Variants in STS observed in about 807,000 individuals in gnomAD.
The protein encoded by STS is steryl-sulfatase.
Under a neutral mutation model 26.8 loss-of-function variants are expected in STS, and 7 were observed. That is an observed-to-expected ratio of 0.26 (90% CI 0.15 to 0.49). The LOEUF (loss-of-function observed/expected upper bound fraction) is 0.49. STS is among the 20% of genes least tolerant of loss of function. STS has a pLI of 0.98. For missense variants in STS, 434 were observed against 465.6 expected, an observed-to-expected ratio of 0.93 and a Z score of 0.63; for synonymous variants, 199 against 189.4, an observed-to-expected ratio of 1.05 and a Z score of -0.42.
intron 8 of STS, among the ~76,000 whole-genome samples, chrX:7,306,667 A>G (rs1317083367): frequency 9.0e-6 from 1 of 111,648 alleles, no homozygotes; most frequent in Non-Finnish European, 1.9e-5. Flanking sequence ...TACTAATGGC[A>G]CAAGGGGAAA....
intron 9 of STS, among the ~76,000 whole-genome samples, chrX:7,330,891 T>C (rs750253879): frequency 7.5e-4 from 84 of 112,514 alleles, no homozygotes; most frequent in African/African-American, 2.7e-3. Flanking sequence ...CCCTTTAATT[T>C]ATTACAGATA....
At position 7,276,048 on chromosome X, in the gene STS, G is replaced by A. The variant is rs113416414; in HGVS notation, c.904G>A (p.Val302Ile). The A allele has an allele frequency of 3.9e-3, 4,733 of 1,203,991 alleles. 104 individuals are homozygous for A. The African/African-American group carries it at 0.068, about 17-fold the overall frequency. Residue 302 changes from valine (V) to isoleucine (I), a missense_variant, in exon 7 of 11, where the codon GTC becomes ATC. Transcript: ENST00000674429. ...KDFAGKSQHG[V>I]YGDAVEEMDW... The stretch of plus-strand genomic sequence containing the variant: ...CTTTGCTGGCAAAAGTCAACACGGA[G>A]TCTACGGGGATGCTGTTGAGGAAAT...
chrX:7,305,911 T>A (rs1408230170), intron 8 of STS, among the ~76,000 whole-genome samples: 1 of 112,078 alleles, frequency 8.9e-6, no homozygotes, highest in East Asian at 2.8e-4. Flanking sequence ...TGCCATGGGG[T>A]GTAACATATT....
chrX:7,187,811 A>T (rs1357923687), intron 1 of STS, among the ~76,000 whole-genome samples: 1 of 111,681 alleles, frequency 9.0e-6, no homozygotes, highest in African/African-American at 3.2e-5. Flanking sequence ...TTTGTGTCTC[A>T]GAATTATGGA....
intron 5 of STS, among the ~76,000 whole-genome samples, chrX:7,258,090 A>T (rs2147087223): frequency 1.1e-5 from 1 of 92,935 alleles, no homozygotes; most frequent in African/African-American, 4.0e-5. Context: ...ATAGATAGAG[A>T]AATAGAAAAA....
Position 7,328,555 on chromosome X carries a change from A to ATTT in STS, c.1241+3072_1241+3074dup, listed in dbSNP as rs144329312. 5.7e-4 allele frequency among the ~76,000 whole-genome samples: 50 copies of ATTT among 87,200 alleles called. No homozygotes were observed. In the East Asian group the frequency reaches 7.7e-3, roughly 13 times the overall value. 75.7% of individuals were successfully genotyped at this position (87,200 alleles called of 115,157 possible). A position where few individuals can be genotyped will look rare whatever the true frequency, so the allele number is the denominator to read the frequency against. ...GACCTCAGAGGTGCTTGCTGACCTCATTTTTTTTTTTTTTTTTGAGCAGAG... is the reference window on the plus strand; with the variant it reads ...GACCTCAGAGGTGCTTGCTGACCTCATTTTTTTTTTTTTTTTTTTTGAGCAGAG... On this transcript the variant is annotated intron_variant, in intron 9 of 10. Transcript: ENST00000674429.
intron 2 of STS, among the ~76,000 whole-genome samples, chrX:7,242,039 C>T (rs941785303): frequency 3.6e-5 from 4 of 111,065 alleles, no homozygotes; most frequent in African/African-American, 1.3e-4. Context: ...ATAGAGTTTG[C>T]CAGCAAGATA....
rs1156885897 is a variant in STS, at chrX:7,148,026, T to G, written c.-191T>G. On this transcript the variant is annotated 5_prime_UTR_variant, in exon 1 of 11. Coordinates refer to ENST00000674429, the MANE Select transcript of STS (RefSeq NM_001320752.2). ...CACGCCCACACAAGACCGCCCTTAC[T>G]GGAGGCGGCGGCTGCACACTACCCA... 4.5e-6 allele frequency: 5 copies of G among 1,114,272 alleles called. No individual in the cohort carries two copies. Among genetic ancestry groups the G allele is most frequent in the Non-Finnish European group, 6.0e-6 (5 of 838,281 alleles). The allele number at this position is 1,114,272 out of a possible 1,213,427, so 91.8% of individuals were successfully genotyped here. A position where few individuals can be genotyped will look rare whatever the true frequency, so the allele number is the denominator to read the frequency against.
At chrX:7,221,026 C>G (rs1056116128) in intron 2 of STS, among the ~76,000 whole-genome samples, 1 of 111,972 alleles carries the variant, frequency 8.9e-6, no homozygotes, top group African/African-American at 3.3e-5. Flanking sequence ...TTCTTCTTAA[C>G]GTACACCAAA....
intron 1 of STS, among the ~76,000 whole-genome samples, chrX:7,154,842 G>A (rs1427456781): frequency 8.9e-6 from 1 of 112,230 alleles, no homozygotes; most frequent in African/African-American, 3.2e-5. Context: ...AAAAAATAAG[G>A]AAAAGGAAGC....
chrX:7,276,762 A>G (rs745427491), intron 7 of STS, among the ~76,000 whole-genome samples: 2 of 112,285 alleles, frequency 1.8e-5, no homozygotes, highest in South Asian at 7.3e-4. Context: ...TTCTTGCTGC[A>G]TCTAACGATG....
At chrX:7,202,171 G>C (rs1380656187) in intron 2 of STS, among the ~76,000 whole-genome samples, 1 of 111,403 alleles carries the variant, frequency 9.0e-6, no homozygotes. Flanking sequence ...AAATATCTTT[G>C]TTTTCATTCC....
At chrX:7,274,469 C>A (rs1227895058) in intron 6 of STS, among the ~76,000 whole-genome samples, 1 of 111,637 alleles carries the variant, frequency 9.0e-6, no homozygotes, top group African/African-American at 3.3e-5. Context: ...ATTTCCCAGA[C>A]GAGAGGTAAA....
intron 2 of STS, among the ~76,000 whole-genome samples, chrX:7,203,902 A>G (rs1017719256): frequency 1.8e-5 from 2 of 111,287 alleles, no homozygotes; most frequent in Non-Finnish European, 3.8e-5. Context: ...CTCCTGTCTC[A>G]GCTTCCCAAG....
chrX:7,253,248 C>T lies in STS; in HGVS notation c.49C>T (p.His17Tyr), dbSNP rs757240593. 5 of 1,211,339 alleles carry T rather than the reference C, an allele frequency of 4.1e-6. No individual in the cohort carries two copies. In the Middle Eastern group the frequency reaches 6.9e-4, roughly 167 times the overall value. ...LLFFLWEAESHAASRPNIILV... is the reference protein window; with the variant it reads ...LLFFLWEAESYAASRPNIILV... ...GTTCTTTCTGTGGGAAGCCGAGAGC[C>T]ACGCAGCATCAAGGCCGAACATCAT... The change falls in exon 3 of 11, where the codon CAC becomes TAC. Residue 17 changes from histidine (H) to tyrosine (Y), a missense_variant. Transcript: ENST00000674429.
At chrX:7,168,262 G>GA (rs1458458165) in intron 1 of STS, among the ~76,000 whole-genome samples, 1 of 111,154 alleles carries the variant, frequency 9.0e-6, no homozygotes, top group Non-Finnish European at 1.9e-5. Flanking sequence ...ATAATGTAGG[G>GA]AAAAATGTGT....
chrX:7,259,821 G>T (rs1157001924), intron 6 of STS, 49 bp downstream of exon 6: 1 of 1,174,383 alleles, frequency 8.5e-7, no homozygotes, highest in African/African-American at 1.8e-5. Context: ...AACATTCTGG[G>T]TTATTTCTCG....
intron 2 of STS, among the ~76,000 whole-genome samples, chrX:7,249,196 T>C (rs1391927655): frequency 9.0e-6 from 1 of 110,666 alleles, no homozygotes; most frequent in Non-Finnish European, 1.9e-5. Flanking sequence ...TGTCCATCAA[T>C]CACTCAACAG....
rs768988030 is a variant in STS at position 7,253,179 on chromosome X, G to A, written c.-4-17G>A. 1 of 1,210,051 alleles carries A rather than the reference G, an allele frequency of 8.3e-7. No individual in the cohort carries two copies. Among genetic ancestry groups the A allele is most frequent in the Non-Finnish European group, 1.1e-6 (1 of 894,649 alleles). ...CTGACATCCTTCAGTTCCTTTTTGT[G>A]TCCTTGTCCTTTACAGGAAGATGAA... On this transcript the variant is annotated splice_polypyrimidine_tract_variant and intron_variant, in intron 2 of 10. Transcript: ENST00000674429.
Sources: gnomAD v4.1 joint callset for allele counts (sites outside exome capture counted in the v4.1 genomes callset) on GRCh38, gnomAD v4.1.1 for gene constraint, MANE v1.5 for transcripts, NCBI Gene and HGNC (gene_info 2026-07-23, HGNC 2026-07-21) for gene names.